Variants in KIF6 observed in about 807,000 individuals in gnomAD.
KIF6 encodes kinesin family member 6, also known as kinesin-like protein KIF6.
Under a neutral mutation model 112.7 loss-of-function variants are expected in KIF6, and 106 were observed. The observed-to-expected ratio is 0.94, with a 90% CI of 0.80 to 1.11. The LOEUF is 1.11. Among genes scored for constraint, KIF6 ranks in the 50% least tolerant of loss-of-function variants. The pLI is 0.00. For missense variants in KIF6, 929 were observed against 964.0 expected (o/e 0.96, Z 0.48); for synonymous variants, 339 against 339.9 (o/e 1.00, Z 0.03).
At chr6:39,702,482 T>C (rs1266421285) in intron 3 of KIF6, among the ~76,000 whole-genome samples, 1 of 152,236 alleles carries the variant, frequency 6.6e-6, no homozygotes, top group Non-Finnish European at 1.5e-5. Context: ...CTGTGAGGAC[T>C]GTAAGTATGG....
intron 15 of KIF6, among the ~76,000 whole-genome samples, chr6:39,396,268 C>T (rs770376947): frequency 6.6e-5 from 10 of 152,218 alleles, no homozygotes; most frequent in Non-Finnish European, 1.3e-4. Context: ...ATGCACGTTG[C>T]GTCTTTCTGG....
At chr6:39,347,749 T>C (rs1017580167) in intron 19 of KIF6, among the ~76,000 whole-genome samples, 10 of 152,172 alleles carry the variant, frequency 6.6e-5, no homozygotes, top group Non-Finnish European at 1.2e-4. Context: ...CCTGACAAAC[T>C]GCGTGTCTCA....
At chr6:39,469,604 T>C (rs931123317) in intron 13 of KIF6, among the ~76,000 whole-genome samples, 6 of 152,174 alleles carry the variant, frequency 3.9e-5, no homozygotes, top group African/African-American at 1.4e-4. Context: ...GGGATACATA[T>C]GCAGGTTTGT....
At chr6:39,436,578 T>C (rs1771546947) in intron 13 of KIF6, among the ~76,000 whole-genome samples, 1 of 152,190 alleles carries the variant, frequency 6.6e-6, no homozygotes, top group Non-Finnish European at 1.5e-5. Flanking sequence ...TTTATTCTTC[T>C]ACATGTGGCT....
At chr6:39,497,122 C>A (rs1010197489) in intron 13 of KIF6, among the ~76,000 whole-genome samples, 6 of 152,240 alleles carry the variant, frequency 3.9e-5, no homozygotes, top group Non-Finnish European at 5.9e-5. Flanking sequence ...GCTCGTTCTA[C>A]ATTAGACTCT....
chr6:39,615,716 C>T (rs1783482584), intron 5 of KIF6, among the ~76,000 whole-genome samples: 1 of 152,150 alleles, frequency 6.6e-6, no homozygotes, highest in Non-Finnish European at 1.5e-5. Flanking sequence ...TACTTTCCAT[C>T]CTGTTCCACT....
chr6:39,570,313 G>A (rs997647897), intron 10 of KIF6, among the ~76,000 whole-genome samples: 2 of 152,178 alleles, frequency 1.3e-5, no homozygotes, highest in African/African-American at 4.8e-5. Flanking sequence ...CAGGTCTGGG[G>A]AAAAATGGAG....
rs1785044095 is a variant in KIF6 at position 39,644,140 on chromosome 6, A to C, written c.252-4383T>G. 2.1e-5 allele frequency among the ~76,000 whole-genome samples: 3 copies of C among 140,462 alleles called. No homozygotes were observed. In the Admixed American group the frequency reaches 2.2e-4, roughly 10 times the overall value. 92.1% of individuals were successfully genotyped at this position (140,462 alleles called of 152,430 possible). A position where few individuals can be genotyped will look rare whatever the true frequency, so the allele number is the denominator to read the frequency against. On this transcript the variant is annotated intron_variant, in intron 3 of 22. Coordinates refer to ENST00000287152, the MANE Select transcript of KIF6 (RefSeq NM_145027.6). ...AAATCACAATAAGATGCAATTTCAC[A>C]CCCACTAGTATGGCTAAAACAAAAA...
chr6:39,412,007 G>A (rs997228354), intron 15 of KIF6, among the ~76,000 whole-genome samples: 5 of 152,156 alleles, frequency 3.3e-5, no homozygotes, highest in South Asian at 4.1e-4. Context: ...TAGCCAGGTC[G>A]TGGACCTTGG....
rs564311057 is a variant in KIF6 at position 39,394,566 on chromosome 6, C to A, written c.1811-8894G>T. On this transcript the variant is annotated intron_variant, in intron 15 of 22. Coordinates refer to ENST00000287152, the MANE Select transcript of KIF6 (RefSeq NM_145027.6). ...CAAGACAGCAAGGGATTTCCATTGG[C>A]TTGGGGGCCAGGGGTGGGGGCACCT... 8.5e-4 allele frequency among the ~76,000 whole-genome samples: 129 copies of A among 152,270 alleles called. 1 individual carries two copies. The highest frequency in any genetic ancestry group is 2.9e-3 in the African/African-American group (121 of 41,560).
intron 6 of KIF6, among the ~76,000 whole-genome samples, chr6:39,603,034 T>TA: frequency 6.6e-6 from 1 of 152,262 alleles, no homozygotes; most frequent in South Asian, 2.1e-4. Context: ...CAAATGTTCA[T>TA]AAAAAAATCC....
chr6:39,675,654 T>C (rs573987184), intron 3 of KIF6, among the ~76,000 whole-genome samples: 79 of 151,958 alleles, frequency 5.2e-4, no homozygotes, highest in Non-Finnish European at 9.0e-4. Flanking sequence ...AAAGAGTGAG[T>C]GTAGACATAC....
At chr6:39,590,889 G>A (rs912824732) in intron 7 of KIF6, among the ~76,000 whole-genome samples, 32 of 152,186 alleles carry the variant, frequency 2.1e-4, no homozygotes, top group Admixed American at 1.9e-3. Flanking sequence ...CTTTAGATTA[G>A]AAGGAAACAA....
At chr6:39,404,156 A>G (rs1768915380) in intron 15 of KIF6, among the ~76,000 whole-genome samples, 1 of 152,194 alleles carries the variant, frequency 6.6e-6, no homozygotes, top group Admixed American at 6.5e-5. Context: ...AATTTCACAG[A>G]CCAAAAGTAG....
At chr6:39,698,790 C>T (rs1185908288) in intron 3 of KIF6, among the ~76,000 whole-genome samples, 2 of 152,160 alleles carry the variant, frequency 1.3e-5, no homozygotes, top group Admixed American at 6.5e-5. Context: ...CTTTTTATGG[C>T]TCTAAATATG....
At chr6:39,442,112 C>A (rs1771952170) in intron 13 of KIF6, among the ~76,000 whole-genome samples, 1 of 152,226 alleles carries the variant, frequency 6.6e-6, no homozygotes, top group South Asian at 2.1e-4. Context: ...ACTGGCCCAG[C>A]AGTGCAGACC....
intron 13 of KIF6, among the ~76,000 whole-genome samples, chr6:39,472,311 G>A (rs1774165389): frequency 6.6e-6 from 1 of 151,682 alleles, no homozygotes. Context: ...TTAAATGCTA[G>A]CTCTTTTTTC....
intron 13 of KIF6, among the ~76,000 whole-genome samples, chr6:39,538,385 C>A (rs1344359121): frequency 6.6e-6 from 1 of 151,842 alleles, no homozygotes; most frequent in Non-Finnish European, 1.5e-5. Context: ...AAACAAACAA[C>A]CCCATCAGAA....
chr6:39,527,727 C>CAGGT, intron 13 of KIF6, among the ~76,000 whole-genome samples: 1 of 152,334 alleles, frequency 6.6e-6, no homozygotes, highest in East Asian at 1.9e-4. Flanking sequence ...ATTTCCTGCA[C>CAGGT]ACCTCCAAAG....
Sources: allele counts gnomAD v4.1 joint callset (sites outside exome capture counted in the v4.1 genomes callset), GRCh38; gene constraint gnomAD v4.1.1; transcripts MANE v1.5; gene names NCBI Gene and HGNC (gene_info 2026-07-23, HGNC 2026-07-21).